Variants in CLN8 observed in about 807,000 individuals in gnomAD.
The protein encoded by CLN8 is CLN8 transmembrane ER and ERGIC protein.
Under a neutral mutation model 15.7 loss-of-function variants are expected in CLN8, and 14 were observed. The observed-to-expected ratio is 0.89, with a 90% CI of 0.59 to 1.39. The LOEUF (loss-of-function observed/expected upper bound fraction) is 1.39. Ranked by LOEUF, CLN8 falls within the 40% of genes most tolerant of loss-of-function variation. The pLI, the probability that CLN8 is intolerant of heterozygous loss-of-function variation, is 0.00. For synonymous variants in CLN8, 188 were observed against 151.0 expected (o/e 1.25, Z -1.80); for missense variants, 415 against 364.0 (o/e 1.14, Z -1.14).
At position 1,767,904 on chromosome 8, in the gene CLN8, T is replaced by A. The variant is rs148491360; in HGVS notation, c.-123-3028T>A. The stretch of plus-strand genomic sequence containing the variant: ...GTATTTCTTTTTCCTGTAGTCAGAT[T>A]CTGGGGTCCAGGGTGGTTAGGAAAG... On this transcript the variant is annotated intron_variant, in intron 1 of 2. Coordinates refer to ENST00000331222, the MANE Select transcript of CLN8 (RefSeq NM_018941.4). Among the ~76,000 whole-genome samples, 290 of 151,620 alleles carry A rather than the reference T, an allele frequency of 1.9e-3. 1 individual carries two copies. Among genetic ancestry groups the A allele is most frequent in the African/African-American group, 5.3e-3 (217 of 41,328 alleles).
Position 1,780,368 on chromosome 8 carries a change from G to A in CLN8, c.662G>A (p.Gly221Asp), listed in dbSNP as rs747398236. ...TGGGTGTGTTTCTGGCACTGGGACGGCCTGGTCAGCAGCCTGTATCTGCCT... is the reference window on the plus strand; with the variant it reads ...TGGGTGTGTTTCTGGCACTGGGACGACCTGGTCAGCAGCCTGTATCTGCCT... Reference protein sequence around the residue: ...MWWVCFWHWDGLVSSLYLPHL... With the variant: ...MWWVCFWHWDDLVSSLYLPHL... The change falls in exon 3 of 3, where the codon GGC (glycine) becomes GAC (aspartate). Residue 221 changes from glycine (G) to aspartate (D), a missense_variant. Physicochemically the swap from Gly to Asp is moderately conservative, Grantham distance 94 (BLOSUM62 -1). Transcript: ENST00000331222. 2.5e-6 allele frequency: 4 copies of A among 1,614,264 alleles called. No homozygotes were observed. The East Asian group carries it at 6.7e-5, about 27-fold the overall frequency.
At chr8:1,759,292 TAC>T (rs1450697452), upstream of CLN8, 3 of 152,204 alleles carry the variant, frequency 2.0e-5, no homozygotes, top group Admixed American at 1.3e-4. Context: ...ATTTTTGTTT[TAC>T]AGTCTCAAAG....
chr8:1,764,429 C>G (rs1800960022), intron 1 of CLN8: 1 of 152,398 alleles, frequency 6.6e-6, no homozygotes, highest in Non-Finnish European at 1.5e-5. Flanking sequence ...GTACGGTCAG[C>G]TCACCTGTGT....
In CLN8 at chr8:1,784,625, C is replaced by G. The variant is rs1202125950; in HGVS notation, c.*4058C>G. On this transcript the variant is annotated 3_prime_UTR_variant, in exon 3 of 3. Transcript: ENST00000331222. Reference sequence around the variant, plus strand: ...GAGCTCCACACGGGCAGGGTTGCATCTGTTTTATTCTCTGATTGATTCTAA... The same window carrying G: ...GAGCTCCACACGGGCAGGGTTGCATGTGTTTTATTCTCTGATTGATTCTAA... 6.6e-6 allele frequency: 1 copy of G among 152,330 alleles called. No homozygotes were observed. The highest frequency in any genetic ancestry group is 1.5e-5 in the Non-Finnish European group (1 of 68,158). 9.4% of individuals were successfully genotyped at this position (152,330 alleles called of 1,614,324 possible).
rs1404615971 is a variant in CLN8 at position 1,781,386 on chromosome 8, A to AT, written c.*821dup. 7.0e-6 allele frequency: 1 copy of AT among 141,968 alleles called. No individual in the cohort carries two copies. Among genetic ancestry groups the AT allele is most frequent in the Non-Finnish European group, 1.5e-5 (1 of 65,238 alleles). The allele number at this position is 141,968 out of a possible 1,614,324, so 8.8% of individuals were successfully genotyped here. ...CTCTCAAAAAAAAAAAAAAAAAAAA[A>AT]TTCTAGACCGAAGTGTACGGCAGTG... is the stretch of plus-strand genomic sequence containing the variant. On this transcript the variant is annotated 3_prime_UTR_variant, in exon 3 of 3. Transcript: ENST00000331222.
chr8:1,761,379 C>T (rs1800792585), upstream of CLN8, among the ~76,000 whole-genome samples: 1 of 152,148 alleles, frequency 6.6e-6, no homozygotes, highest in African/African-American at 2.4e-5. Flanking sequence ...GGCTGGAGTG[C>T]AGTGGTGCGA....
rs1441092783 is a variant in CLN8, at chr8:1,782,877, G to GT, written c.*2311dup. 1 of 152,204 alleles carries GT rather than the reference G, an allele frequency of 6.6e-6. No homozygotes were observed. Among genetic ancestry groups the GT allele is most frequent in the Non-Finnish European group, 1.5e-5 (1 of 68,048 alleles). 9.4% of individuals were successfully genotyped at this position (152,204 alleles called of 1,614,324 possible). On this transcript the variant is annotated 3_prime_UTR_variant, in exon 3 of 3. Transcript: ENST00000331222. Reference sequence around the variant, plus strand: ...CACTAGGACTTTGACCTTCCCAGGGGTCCACACTTTACCTCCTGTATCTTC... The same window carrying GT: ...CACTAGGACTTTGACCTTCCCAGGGGTTCCACACTTTACCTCCTGTATCTTC...
At chr8:1,765,481 C>T (rs1585128463) in intron 1 of CLN8, among the ~76,000 whole-genome samples, 1 of 152,286 alleles carries the variant, frequency 6.6e-6, no homozygotes, top group East Asian at 1.9e-4. Context: ...GTGTATTAAA[C>T]ATGTATTTCT....
chr8:1,763,249 G>C (rs573714262), upstream of CLN8: 5 of 151,846 alleles, frequency 3.3e-5, no homozygotes, highest in South Asian at 2.0e-4. Context: ...AGGTCCCCTC[G>C]GCCCCGTCCG....
Position 1,786,391 on chromosome 8 carries a change from A to G in CLN8, c.*5824A>G, listed in dbSNP as rs1378910589. On this transcript the variant is annotated 3_prime_UTR_variant, in exon 3 of 3. Coordinates refer to ENST00000331222, the MANE Select transcript of CLN8 (RefSeq NM_018941.4). Reference sequence around the variant, plus strand: ...TTTCAGTTCACCCCTTTCTTTGCTAACTTTCTTCCTATTTTCTTCTAATGC... The same window carrying G: ...TTTCAGTTCACCCCTTTCTTTGCTAGCTTTCTTCCTATTTTCTTCTAATGC... 6.6e-6 allele frequency: 1 copy of G among 152,226 alleles called. No homozygotes were observed. Among genetic ancestry groups the G allele is most frequent in the Non-Finnish European group, 1.5e-5 (1 of 68,034 alleles). 9.4% of individuals were successfully genotyped at this position (152,226 alleles called of 1,614,324 possible). A position where few individuals can be genotyped will look rare whatever the true frequency, so the allele number is the denominator to read the frequency against.
At chr8:1,776,460 A>G (rs1801520929) in intron 2 of CLN8, among the ~76,000 whole-genome samples, 1 of 140,024 alleles carries the variant, frequency 7.1e-6, no homozygotes, top group Non-Finnish European at 1.5e-5. Flanking sequence ...ACACATGATG[A>G]TAGAAGGTTC....
rs1363119323 is a variant in CLN8 at position 1,784,460 on chromosome 8, A to T, written c.*3893A>T. On this transcript the variant is annotated 3_prime_UTR_variant, in exon 3 of 3. Coordinates refer to ENST00000331222, the MANE Select transcript of CLN8 (RefSeq NM_018941.4). ...CTGCCTTTTTATGAGGCATTAAGCC[A>T]TTTGCAAGAGTAGGGGGCCCCACCT... 1 of 152,190 alleles carries T rather than the reference A, an allele frequency of 6.6e-6. No individual in the cohort carries two copies. Among genetic ancestry groups the T allele is most frequent in the Non-Finnish European group, 1.5e-5 (1 of 68,066 alleles). 9.4% of individuals were successfully genotyped at this position (152,190 alleles called of 1,614,324 possible).
chr8:1,762,450 T>G (rs1800822699), upstream of CLN8: 1 of 152,144 alleles, frequency 6.6e-6, no homozygotes, highest in African/African-American at 2.4e-5. Context: ...TCTCCTAGGT[T>G]CCTGTTCCCC....
intron 1 of CLN8, 117 bp downstream of exon 1, chr8:1,764,002 A>T (rs1280615068): frequency 6.9e-6 from 1 of 144,926 alleles, no homozygotes; most frequent in South Asian, 2.2e-4. Context: ...AGCCCAGGTG[A>T]GCGCGCGTGG....
Position 1,783,103 on chromosome 8 carries a change from C to T in CLN8, c.*2536C>T, listed in dbSNP as rs897584525. ...TGGCACAGCACTTTCCCATGGTCCTCACTGGCCTCAGTCTCCCTGACCGGC... is the reference window on the plus strand; with the variant it reads ...TGGCACAGCACTTTCCCATGGTCCTTACTGGCCTCAGTCTCCCTGACCGGC... On this transcript the variant is annotated 3_prime_UTR_variant, in exon 3 of 3. Transcript: ENST00000331222. 2.0e-5 allele frequency: 3 copies of T among 152,450 alleles called. No individual in the cohort carries two copies. Among genetic ancestry groups the T allele is most frequent in the Middle Eastern group, 3.4e-3 (1 of 296 alleles). The allele number at this position is 152,450 out of a possible 1,614,324, so 9.4% of individuals were successfully genotyped here.
rs150754905 is a variant in CLN8, at chr8:1,771,153, C to G, written c.99C>G (p.Val33=). The change falls in exon 2 of 3, where the codon GTC becomes GTG. Residue 33 remains valine (V), a synonymous_variant. Coordinates refer to ENST00000331222, the MANE Select transcript of CLN8 (RefSeq NM_018941.4). The stretch of plus-strand genomic sequence containing the variant: ...CCACGCTGATGGTCGCTGGCTTTGT[C>G]TTCTACTTGGGCGTCTTTGTGGTCT... ...IRSTLMVAGF[V]FYLGVFVVCH... 1 of 1,613,946 alleles carries G rather than the reference C, an allele frequency of 6.2e-7. No individual in the cohort carries two copies. Among genetic ancestry groups the G allele is most frequent in the South Asian group, 1.1e-5 (1 of 91,078 alleles).
chr8:1,773,993 T>C (rs189049792), intron 2 of CLN8: 53 of 152,350 alleles, frequency 3.5e-4, no homozygotes, highest in African/African-American at 1.2e-3. Flanking sequence ...AGTTATCTTG[T>C]ATTTTATTTT....
chr8:1,753,495 C>G (rs1239674857), upstream of CLN8, among the ~76,000 whole-genome samples: 2 of 146,106 alleles, frequency 1.4e-5, no homozygotes, highest in African/African-American at 5.1e-5. Context: ...GGCTTGAACC[C>G]AGGAGGTGGA....
At chr8:1,769,924 C>G (rs1801232011) in intron 1 of CLN8, among the ~76,000 whole-genome samples, 1 of 152,198 alleles carries the variant, frequency 6.6e-6, no homozygotes, top group Non-Finnish European at 1.5e-5. Flanking sequence ...TCAGTAAGCA[C>G]TTGTCCTATG....
Sources: gnomAD v4.1 joint callset for allele counts (sites outside exome capture counted in the v4.1 genomes callset) on GRCh38, gnomAD v4.1.1 for gene constraint, MANE v1.5 for transcripts, NCBI Gene and HGNC (gene_info 2026-07-23, HGNC 2026-07-21) for gene names.